The following CRYBG3 variants were observed in gnomAD, a reference collection of about 807,000 sequenced individuals.
CRYBG3 encodes very large A-kinase anchor protein.
A neutral mutation model predicts 244.2 loss-of-function variants in CRYBG3; 127 were observed. That is an observed-to-expected ratio of 0.52 (90% CI 0.45 to 0.60). The LOEUF (loss-of-function observed/expected upper bound fraction) is 0.60. Among genes scored for constraint, CRYBG3 ranks in the 20% least tolerant of loss-of-function variants. The pLI, the probability that CRYBG3 is intolerant of heterozygous loss-of-function variation, is 0.00. For synonymous variants in CRYBG3, 1,132 were observed against 1,195.8 expected, an observed-to-expected ratio of 0.95 and a Z score of 1.10; for missense variants, 3,325 against 3,442.5, an observed-to-expected ratio of 0.97 and a Z score of 0.85.
In CRYBG3 at chr3:97,873,835, G is replaced by T; in HGVS notation, c.2641G>T (p.Glu881Ter). 1 of 1,534,092 alleles carries T rather than the reference G, an allele frequency of 6.5e-7. No homozygotes were observed. Among genetic ancestry groups the T allele is most frequent in the South Asian group, 1.2e-5 (1 of 83,526 alleles). Residue 881 changes from glutamate to a stop codon, truncating the protein, a stop_gained, in exon 4 of 22, where the codon GAA (glutamate) becomes TAA (stop). Transcript: ENST00000389622. LOFTEE classifies it high-confidence loss of function. Reference sequence around the variant, plus strand: ...GTCAGAATTAACCTTTCTAGAAGTTGAACAGGGCAAACGTTTTCAATCAAT... The same window carrying T: ...GTCAGAATTAACCTTTCTAGAAGTTTAACAGGGCAAACGTTTTCAATCAAT... Reference protein sequence around the residue: ...ILSELTFLEVEQGKRFQSINH... With the variant: ...ILSELTFLEV
At chr3:97,922,540 C>A (rs941055853) in intron 17 of CRYBG3, among the ~76,000 whole-genome samples, 1 of 152,190 alleles carries the variant, frequency 6.6e-6, no homozygotes, top group Non-Finnish European at 1.5e-5. Flanking sequence ...TATGAACAGA[C>A]ACTTCTCAAA....
In CRYBG3 at chr3:97,874,768, C is replaced by T; in HGVS notation, c.3574C>T (p.Leu1192Phe). The change falls in exon 4 of 22, where the codon CTC (leucine) becomes TTC (phenylalanine). Residue 1192 changes from leucine (L) to phenylalanine (F), a missense_variant. By Grantham distance (22) the Leu-to-Phe change is conservative. This residue lies in a region of CRYBG3 where 1,526 missense variants were observed against 1,443.2 expected (regional missense o/e 1.06). Coordinates refer to ENST00000389622, the MANE Select transcript of CRYBG3 (RefSeq NM_153605.4). ...RRRAHDQLLD[L>F]KSSLLKKADT... ...AAGAGCACATGACCAACTTTTGGAC[C>T]TCAAAAGTAGTTTACTCAAAAAGGC... 2 of 1,535,906 alleles carry T rather than the reference C, an allele frequency of 1.3e-6. No homozygotes were observed. The highest frequency in any genetic ancestry group is 1.7e-6 in the Non-Finnish European group (2 of 1,146,844).
intron 3 of CRYBG3, among the ~76,000 whole-genome samples, chr3:97,865,320 A>G (rs2039212983): frequency 6.6e-6 from 1 of 152,162 alleles, no homozygotes; most frequent in South Asian, 2.1e-4. Flanking sequence ...TATTGATTTT[A>G]CTTTTACCTC....
chr3:97,834,182 T>C (rs2108158647), intron 1 of CRYBG3, among the ~76,000 whole-genome samples: 1 of 152,198 alleles, frequency 6.6e-6, no homozygotes, highest in East Asian at 1.9e-4. Context: ...ACTTATAAAA[T>C]CAGATATGCT....
chr3:97,933,267 A>C (rs765632314), intron 17 of CRYBG3: 6 of 379,234 alleles, frequency 1.6e-5, no homozygotes, highest in Non-Finnish European at 2.5e-5. Context: ...TTAAGAGCTT[A>C]CCACCACAGA....
intron 20 of CRYBG3, 132 bp downstream of exon 20, chr3:97,941,438 C>T (rs745378547): frequency 3.4e-6 from 2 of 579,786 alleles, no homozygotes; most frequent in Non-Finnish European, 5.9e-6. Flanking sequence ...TATAAAAATA[C>T]TGCCATATAT....
At chr3:97,860,328 A>G (rs1391727785) in intron 2 of CRYBG3, among the ~76,000 whole-genome samples, 1 of 152,198 alleles carries the variant, frequency 6.6e-6, no homozygotes, top group Non-Finnish European at 1.5e-5. Context: ...CTACATCCTA[A>G]AGGAGGAAAC....
intron 19 of CRYBG3, among the ~76,000 whole-genome samples, chr3:97,938,168 C>T (rs993505367): frequency 5.9e-5 from 7 of 118,840 alleles, no homozygotes; most frequent in African/African-American, 1.9e-4. Context: ...AATTATTATC[C>T]CCATTTTCTA....
intron 2 of CRYBG3, among the ~76,000 whole-genome samples, chr3:97,844,257 T>C (rs767269733): frequency 2.9e-4 from 44 of 152,270 alleles, no homozygotes; most frequent in Admixed American, 2.0e-3. Context: ...AAATCCTCCT[T>C]CTGGTGGTTT....
intron 2 of CRYBG3, among the ~76,000 whole-genome samples, chr3:97,851,482 C>A (rs544212194): frequency 3.3e-5 from 5 of 152,058 alleles, no homozygotes; most frequent in African/African-American, 9.7e-5. Flanking sequence ...ACTGGAAGAA[C>A]GTAAATGTAA....
At chr3:97,941,446 T>A (rs2040229528) in intron 20 of CRYBG3, 140 bp downstream of exon 20, 2 of 548,250 alleles carry the variant, frequency 3.6e-6, no homozygotes, top group Non-Finnish European at 6.3e-6. Context: ...TACTGCCATA[T>A]ATTACTAAAA....
intron 2 of CRYBG3, among the ~76,000 whole-genome samples, chr3:97,851,869 G>A (rs2038991242): frequency 6.6e-6 from 1 of 152,164 alleles, no homozygotes; most frequent in African/African-American, 2.4e-5. Context: ...CATAGTGGGG[G>A]ATAACAGATG....
intron 2 of CRYBG3, among the ~76,000 whole-genome samples, chr3:97,862,286 G>A (rs2039162126): frequency 6.6e-6 from 1 of 152,000 alleles, no homozygotes; most frequent in Non-Finnish European, 1.5e-5. Context: ...TGTTAAAAGT[G>A]GTAATCTTGT....
At chr3:97,840,089 A>G (rs1356763938) in intron 1 of CRYBG3, among the ~76,000 whole-genome samples, 5 of 151,990 alleles carry the variant, frequency 3.3e-5, no homozygotes, top group Non-Finnish European at 7.4e-5. Context: ...AATACAAGTA[A>G]AACCAGAACT....
chr3:97,941,166 A>C lies in CRYBG3; in HGVS notation c.8524A>C (p.Ile2842Leu), dbSNP rs150948683. ...PMKQPAVYIR[I>L]KNRAQGEYLT... The stretch of plus-strand genomic sequence containing the variant: ...GTCATAGCCTGCAGTGTACATCAGA[A>C]TAAAGAACCGTGCCCAGGGTGAATA... The change falls in exon 20 of 22, where the codon ATA becomes CTA. Residue 2842 changes from isoleucine to leucine, a missense_variant. Physicochemically the swap from Ile to Leu is conservative, Grantham distance 5. Coordinates refer to ENST00000389622, the MANE Select transcript of CRYBG3 (RefSeq NM_153605.4). 6.2e-7 allele frequency: 1 copy of C among 1,610,554 alleles called. No individual in the cohort carries two copies. Among genetic ancestry groups the C allele is most frequent in the East Asian group, 2.2e-5 (1 of 44,808 alleles).
In CRYBG3 at chr3:97,898,936, G is replaced by GTTTA. The variant is rs757506566; in HGVS notation, c.7758_7761dup (p.Asp2588TyrfsTer2). 1 of 1,610,574 alleles carries GTTTA rather than the reference G, an allele frequency of 6.2e-7. No individual in the cohort carries two copies. Among genetic ancestry groups the GTTTA allele is most frequent in the Non-Finnish European group, 8.5e-7 (1 of 1,177,608 alleles). ...TTGAATCTGACCTAGAAAGTGGGAAGTTTATTGACATTACAAATCAGGAAA... is the reference window on the plus strand; with the variant it reads ...TTGAATCTGACCTAGAAAGTGGGAAGTTTATTTATTGACATTACAAATCAGGAAA... On this transcript the variant is annotated frameshift_variant, in exon 13 of 22. Transcript: ENST00000389622. LOFTEE classifies it high-confidence loss of function.
rs1042308670 is a variant in CRYBG3, at chr3:97,875,718, G to T, written c.4524G>T (p.Leu1508Phe). Residue 1508 changes from leucine to phenylalanine, a missense_variant, in exon 4 of 22, where the codon TTG (leucine) becomes TTT (phenylalanine). Physicochemically the swap from Leu to Phe is conservative, Grantham distance 22 (BLOSUM62 0). This residue lies in a region of CRYBG3 where 635 missense variants were observed against 771.7 expected (regional missense o/e 0.82). Coordinates refer to ENST00000389622, the MANE Select transcript of CRYBG3 (RefSeq NM_153605.4). ...TTGTATGTATATCTGAAAAAAACTTGCCAGGACACAGTAAAAACACACCTC... is the reference window on the plus strand; with the variant it reads ...TTGTATGTATATCTGAAAAAAACTTTCCAGGACACAGTAAAAACACACCTC... ...DSLVCISEKN[L>F]PGHSKNTPLA... 2.0e-5 allele frequency: 25 copies of T among 1,232,066 alleles called. No homozygotes were observed. Among genetic ancestry groups the T allele is most frequent in the Non-Finnish European group, 5.1e-6 (5 of 988,126 alleles). 76.3% of individuals were successfully genotyped at this position (1,232,066 alleles called of 1,614,324 possible). A position where few individuals can be genotyped will look rare whatever the true frequency, so the allele number is the denominator to read the frequency against.
chr3:97,864,250 G>A lies in CRYBG3; in HGVS notation c.250G>A (p.Glu84Lys). 1 of 1,520,292 alleles carries A rather than the reference G, an allele frequency of 6.6e-7. No homozygotes were observed. Among genetic ancestry groups the A allele is most frequent in the Non-Finnish European group, 8.8e-7 (1 of 1,141,620 alleles). The allele number at this position is 1,520,292 out of a possible 1,614,324, so 94.2% of individuals were successfully genotyped here. A position where few individuals can be genotyped will look rare whatever the true frequency, so the allele number is the denominator to read the frequency against. ...AAGTGAGGACAAAAGGAACCATGCTGAGAAGCCAGTCACTCTTCCAGTGCA... is the reference window on the plus strand; with the variant it reads ...AAGTGAGGACAAAAGGAACCATGCTAAGAAGCCAGTCACTCTTCCAGTGCA... ...RQSEDKRNHA[E>K]KPVTLPVQED... The change falls in exon 3 of 22, where the codon GAG (glutamate) becomes AAG (lysine). Residue 84 changes from glutamate (E) to lysine (K), a missense_variant. Physicochemically the swap from Glu to Lys is moderately conservative, Grantham distance 56 (BLOSUM62 1). Transcript: ENST00000389622.
intron 1 of CRYBG3, among the ~76,000 whole-genome samples, chr3:97,838,260 A>G (rs2038762065): frequency 6.6e-6 from 1 of 152,158 alleles, no homozygotes; most frequent in South Asian, 2.1e-4. Context: ...TGTTTTCTAA[A>G]TAATTGTTAC....
Sources: gnomAD v4.1 joint callset for allele counts (sites outside exome capture counted in the v4.1 genomes callset) on GRCh38, gnomAD v4.1.1 for gene constraint, gnomAD v4.1.1 regional missense constraint, MANE v1.5 for transcripts, NCBI Gene and HGNC (gene_info 2026-07-23, HGNC 2026-07-21) for gene names.